The following ADGRG2 variants were observed in gnomAD, a reference collection of about 807,000 sequenced individuals.
ADGRG2 encodes adhesion G protein-coupled receptor G2, also known as G protein-coupled receptor 64.
ADGRG2 carries 26 observed loss-of-function variants against 74.1 expected under a neutral mutation model. That is an observed-to-expected ratio of 0.35 (90% confidence interval 0.26 to 0.49). The LOEUF is 0.49. Ranked by LOEUF, ADGRG2 falls within the 20% of genes least tolerant of loss-of-function variation. The pLI, the probability that ADGRG2 is intolerant of heterozygous loss-of-function variation, is 0.99. For synonymous variants in ADGRG2, 296 were observed against 295.2 expected, an observed-to-expected ratio of 1.00 and a Z score of -0.03; for missense variants, 619 against 763.1, an observed-to-expected ratio of 0.81 and a Z score of 2.22.
At position 18,999,040 on chromosome X, in the gene ADGRG2, T is replaced by C. The variant is rs770784051; in HGVS notation, c.2570A>G (p.Asn857Ser). 1.7e-6 allele frequency: 2 copies of C among 1,207,294 alleles called. No individual in the cohort carries two copies. Among genetic ancestry groups the C allele is most frequent in the East Asian group, 5.9e-5 (2 of 33,795 alleles). ...GFAFFAWGPV[N>S]VTFMYLFAIF... The stretch of plus-strand genomic sequence containing the variant: ...GGCAAACAGATACATGAAGGTCACG[T>C]TAACTGGTCCCCAGGCAAAGAAGGC... The change falls in exon 26 of 29, where the codon AAC becomes AGC. Residue 857 changes from asparagine to serine, a missense_variant. This residue lies in a region of ADGRG2 where 221 missense variants were observed against 340.6 expected (regional missense o/e 0.65). Coordinates refer to ENST00000379869, the MANE Select transcript of ADGRG2 (RefSeq NM_001079858.3).
intron 3 of ADGRG2, among the ~76,000 whole-genome samples, chrX:19,049,626 T>A: frequency 9.3e-6 from 1 of 107,961 alleles, no homozygotes; most frequent in East Asian, 2.9e-4. Flanking sequence ...GATTTTTTTG[T>A]GATTTTTTTT....
chrX:19,032,474 T>C (rs1325567674), intron 8 of ADGRG2: 3 of 111,825 alleles, frequency 2.7e-5, no homozygotes, highest in African/African-American at 9.8e-5. Context: ...AAACTTTTCA[T>C]TCGATCATCT....
At chrX:19,031,155 G>A in intron 8 of ADGRG2, 118 bp from the exon 9 acceptor site, 7 of 508,895 alleles carry the variant, frequency 1.4e-5, no homozygotes, top group East Asian at 7.3e-5. Flanking sequence ...ATTATAAGCT[G>A]GAATTAATTG....
chrX:19,045,818 A>C (rs2061174891), intron 3 of ADGRG2, among the ~76,000 whole-genome samples: 1 of 111,475 alleles, frequency 9.0e-6, no homozygotes, highest in East Asian at 2.8e-4. Flanking sequence ...GTACACCCAC[A>C]GTCTCAATTC....
At chrX:19,108,524 C>G (rs2062356638) in intron 1 of ADGRG2, among the ~76,000 whole-genome samples, 1 of 112,400 alleles carries the variant, frequency 8.9e-6, no homozygotes, top group Non-Finnish European at 1.9e-5. Flanking sequence ...GGAAACCAAA[C>G]AAAGGCCATC....
chrX:19,045,428 C>T (rs776486906), intron 3 of ADGRG2, among the ~76,000 whole-genome samples: 20 of 108,336 alleles, frequency 1.8e-4, no homozygotes, highest in Non-Finnish European at 3.6e-4. Context: ...CTGCCTCAGC[C>T]TCCCGAGTAG....
intron 13 of ADGRG2, 96 bp downstream of exon 13, chrX:19,023,320 A>AC: frequency 4.2e-6 from 2 of 475,916 alleles, no homozygotes; most frequent in Admixed American, 3.9e-5. Context: ...ATTTTAGAGG[A>AC]CCCCCTTTGC....
At chrX:19,081,718 T>C (rs953642626) in intron 2 of ADGRG2, among the ~76,000 whole-genome samples, 11 of 111,957 alleles carry the variant, frequency 9.8e-5, no homozygotes, top group African/African-American at 3.6e-4. Context: ...GACATTTACA[T>C]TGTTTACAAA....
rs185448938 is a variant in ADGRG2 at position 19,110,902 on chromosome X, A to T, written c.-47+11540T>A. Among the ~76,000 whole-genome samples, 3 of 111,339 alleles carry T rather than the reference A, an allele frequency of 2.7e-5. No individual in the cohort carries two copies. In the East Asian group the frequency reaches 8.5e-4, roughly 32 times the overall value. On this transcript the variant is annotated intron_variant, in intron 1 of 28. Coordinates refer to ENST00000379869, the MANE Select transcript of ADGRG2 (RefSeq NM_001079858.3). The stretch of plus-strand genomic sequence containing the variant: ...TCCATAGTCCAGTAGGGAATGACAC[A>T]ATCCAACTAATGCTTTTAAGAAGAT...
intron 1 of ADGRG2, among the ~76,000 whole-genome samples, chrX:19,098,556 T>A (rs1158833084): frequency 1.8e-5 from 2 of 112,185 alleles, no homozygotes; most frequent in African/African-American, 6.5e-5. Flanking sequence ...TTGTAGGATT[T>A]TTTTTTTATC....
chrX:19,078,229 C>G (rs1042648639), intron 2 of ADGRG2, among the ~76,000 whole-genome samples: 3 of 111,811 alleles, frequency 2.7e-5, no homozygotes, highest in Non-Finnish European at 5.6e-5. Flanking sequence ...ACAAATAACC[C>G]ATGGGTCAAA....
At chrX:19,043,268 A>G (rs963872709) in intron 3 of ADGRG2, among the ~76,000 whole-genome samples, 1 of 111,156 alleles carries the variant, frequency 9.0e-6, no homozygotes, top group African/African-American at 3.3e-5. Context: ...TCCTGGTCCA[A>G]CCTAGAGGTA....
chrX:19,074,547 C>CTTCT (rs1257753960), intron 2 of ADGRG2, among the ~76,000 whole-genome samples: 10 of 83,076 alleles, frequency 1.2e-4, no homozygotes, highest in African/African-American at 4.1e-4. Context: ...CATTTTCTTT[C>CTTCT]TTCTTCTTCT....
At chrX:19,057,508 T>G (rs1274842487) in intron 3 of ADGRG2, among the ~76,000 whole-genome samples, 1 of 111,974 alleles carries the variant, frequency 8.9e-6, no homozygotes, top group Non-Finnish European at 1.9e-5. Flanking sequence ...AAATCGCTTA[T>G]TTATCCACAA....
intron 7 of ADGRG2, chrX:19,033,861 G>C (rs1431476481): frequency 6.6e-6 from 2 of 303,130 alleles, no homozygotes; most frequent in African/African-American, 5.6e-5. Flanking sequence ...CTGGGAGTTG[G>C]AGTTCCATGT....
chrX:19,023,799 A>G, intron 12 of ADGRG2, 110 bp downstream of exon 12: 1 of 573,972 alleles, frequency 1.7e-6, no homozygotes, highest in South Asian at 2.7e-5. Context: ...TCTCTTACAC[A>G]ACAAATTTGG....
intron 16 of ADGRG2, 66 bp downstream of exon 16, chrX:19,013,620 G>A: frequency 1.1e-6 from 1 of 938,080 alleles, no homozygotes; most frequent in Non-Finnish European, 1.5e-6. Context: ...TACAAAGAAA[G>A]GCTCAACATG....
chrX:19,049,450 T>TGTTTTG (rs1411661850), intron 3 of ADGRG2, among the ~76,000 whole-genome samples: 1 of 103,914 alleles, frequency 9.6e-6, no homozygotes, highest in African/African-American at 3.7e-5. Flanking sequence ...TTTTTTTTTT[T>TGTTTTG]TTTTTTTGTT....
chrX:19,054,384 T>G (rs1451957758), intron 3 of ADGRG2, among the ~76,000 whole-genome samples: 2 of 112,060 alleles, frequency 1.8e-5, no homozygotes, highest in Non-Finnish European at 3.8e-5. Flanking sequence ...TTAAGTGGGA[T>G]GCATGGTCTC....
Sources: allele counts gnomAD v4.1 joint callset (sites outside exome capture counted in the v4.1 genomes callset), GRCh38; gene constraint gnomAD v4.1.1; regional missense constraint gnomAD v4.1.1; transcripts MANE v1.5; gene names NCBI Gene and HGNC (gene_info 2026-07-23, HGNC 2026-07-21).